The following IQCH variants were observed in gnomAD, a reference collection of about 807,000 sequenced individuals.
IQCH encodes IQ motif containing H.
A neutral mutation model predicts 117.0 loss-of-function variants in IQCH; 98 were observed. That is an observed-to-expected ratio of 0.84 (90% confidence interval 0.71 to 0.99). IQCH has a LOEUF of 0.99. Among genes scored for constraint, IQCH ranks in the 50% least tolerant of loss-of-function variants. IQCH has a pLI of 0.00. For synonymous variants in IQCH, 412 were observed against 448.2 expected (o/e 0.92, Z 1.02); for missense variants, 1,102 against 1,243.8 (o/e 0.89, Z 1.72).
chr15:67,426,107 C>G lies in IQCH; in HGVS notation c.2505+4530C>G, dbSNP rs1381828147. 1.3e-5 allele frequency among the ~76,000 whole-genome samples: 2 copies of G among 152,124 alleles called. No homozygotes were observed. Among genetic ancestry groups the G allele is most frequent in the African/African-American group, 4.8e-5 (2 of 41,434 alleles). ...ATTTTCTATTTTCCTTGCCCTGGAC[C>G]TAGGATCGACTCAGAAGCCCTGTAA... On this transcript the variant is annotated intron_variant, in intron 16 of 20. Coordinates refer to ENST00000335894, the MANE Select transcript of IQCH (RefSeq NM_001031715.3). This position sits in a 1 kb window ranked among gnomAD's most constrained non-coding sequence, Gnocchi z 5.1.
intron 4 of IQCH, among the ~76,000 whole-genome samples, chr15:67,306,573 A>G (rs532751006): frequency 6.6e-6 from 1 of 152,112 alleles, no homozygotes; most frequent in Non-Finnish European, 1.5e-5. Context: ...TATCTTCTCC[A>G]TCTTATGAAG....
chr15:67,268,265 T>A (rs1018382457), intron 3 of IQCH, among the ~76,000 whole-genome samples: 9 of 152,214 alleles, frequency 5.9e-5, no homozygotes, highest in African/African-American at 1.9e-4. Flanking sequence ...TGCCAGCAAA[T>A]GCAAGATTCT....
At position 67,475,744 on chromosome 15, in the gene IQCH, A is replaced by G. The variant is rs900486879; in HGVS notation, c.2725A>G (p.Ser909Gly). 2.5e-6 allele frequency: 4 copies of G among 1,614,020 alleles called. No homozygotes were observed. The African/African-American group carries it at 5.3e-5, about 22-fold the overall frequency. ...AGTGATGACCACCCAGCTAAGACAC[A>G]GCAATCTCTCACTGGTTTTCCACTA... ...YAVMTTQLRH[S>G]NLSLVFHYVF... The change falls in exon 18 of 21, where the codon AGC (serine) becomes GGC (glycine). Residue 909 changes from serine to glycine, a missense_variant. Ser to Gly is a moderately conservative substitution (Grantham distance 56). Coordinates refer to ENST00000335894, the MANE Select transcript of IQCH (RefSeq NM_001031715.3). This position sits in a 1 kb window ranked among gnomAD's most constrained non-coding sequence, Gnocchi z 5.7.
Position 67,388,198 on chromosome 15 carries a change from A to G in IQCH, c.1457-633A>G, listed in dbSNP as rs1028225415. 2.0e-5 allele frequency among the ~76,000 whole-genome samples: 3 copies of G among 152,230 alleles called. No individual in the cohort carries two copies. The South Asian group carries it at 6.2e-4, about 32-fold the overall frequency. On this transcript the variant is annotated intron_variant, in intron 11 of 20. Coordinates refer to ENST00000335894, the MANE Select transcript of IQCH (RefSeq NM_001031715.3). The surrounding 1 kb of genome is among the most constrained non-coding windows in gnomAD (Gnocchi z 5.5). ...GTTTCTTGCTATGTTACATGTAAGAAGCACATCTTAAGAAGGAGAAAAGTT... is the reference window on the plus strand; with the variant it reads ...GTTTCTTGCTATGTTACATGTAAGAGGCACATCTTAAGAAGGAGAAAAGTT...
At chr15:67,499,297 C>CAAAAAAAAAAAAAAAA (rs59618730) in intron 20 of IQCH, among the ~76,000 whole-genome samples, 40 of 49,158 alleles carry the variant, frequency 8.1e-4, no homozygotes, top group African/African-American at 3.1e-3. Context: ...AGACCTGTCC[C>CAAAAAAAAAAAAAAAA]AAAAAAAAAA....
chr15:67,476,098 C>A lies in IQCH; in HGVS notation c.2799+280C>A, dbSNP rs1194560756. On this transcript the variant is annotated intron_variant, in intron 18 of 20. Transcript: ENST00000335894. This position sits in a 1 kb window ranked among gnomAD's most constrained non-coding sequence, Gnocchi z 4.1. Reference sequence around the variant, plus strand: ...CCAGACTTAGGAGGCATTTTGGGGACCACCTCATGATCCTGAAGCAGGCCC... The same window carrying A: ...CCAGACTTAGGAGGCATTTTGGGGAACACCTCATGATCCTGAAGCAGGCCC... Among the ~76,000 whole-genome samples the A allele has an allele frequency of 6.6e-6, 1 of 152,232 alleles. No homozygotes were observed. Among genetic ancestry groups the A allele is most frequent in the Non-Finnish European group, 1.5e-5 (1 of 68,044 alleles).
intron 18 of IQCH, among the ~76,000 whole-genome samples, chr15:67,483,050 C>T (rs2141067961): frequency 6.6e-6 from 1 of 152,320 alleles, no homozygotes; most frequent in South Asian, 2.1e-4. Flanking sequence ...GGGCTAAGAA[C>T]ACTCCTGGTC....
At chr15:67,321,473 CCTTTCTT>C (rs1220535167) in intron 4 of IQCH, among the ~76,000 whole-genome samples, 1 of 149,918 alleles carries the variant, frequency 6.7e-6, no homozygotes, top group East Asian at 2.0e-4. Context: ...TTCCTTCCTT[CCTTTCTT>C]TCTTTCTTTT....
chr15:67,388,914 C>T lies in IQCH; in HGVS notation c.1540C>T (p.His514Tyr), dbSNP rs28444947. ...GTATTACAAAAAAATCCTAAGTCTA[C>T]ATGCAGCCGTCAAATCTGGGAACCT... ...VLYYKKILSL[H>Y]AAVKSGNLED... The change falls in exon 12 of 21, where the codon CAT becomes TAT. Residue 514 changes from histidine (H) to tyrosine (Y), a missense_variant. By Grantham distance (83) the His-to-Tyr change is moderately conservative (BLOSUM62 2). This residue lies in a region of IQCH where 650 missense variants were observed against 794.3 expected (regional missense o/e 0.82). Transcript: ENST00000335894. This position sits in a 1 kb window ranked among gnomAD's most constrained non-coding sequence, Gnocchi z 5.5. The T allele has an allele frequency of 1.2e-3, 1,891 of 1,613,774 alleles. 18 individuals are homozygous for T. The African/African-American group carries it at 0.023, about 19-fold the overall frequency.
chr15:67,284,658 A>G (rs1966492743), intron 4 of IQCH, among the ~76,000 whole-genome samples: 1 of 151,822 alleles, frequency 6.6e-6, no homozygotes. Flanking sequence ...GTTCCTCTCT[A>G]TGTGTCCATG....
rs1363309514 is a variant in IQCH, at chr15:67,422,452, T to C, written c.2505+875T>C. Among the ~76,000 whole-genome samples the C allele has an allele frequency of 6.6e-6, 1 of 152,198 alleles. No individual in the cohort carries two copies. Among genetic ancestry groups the C allele is most frequent in the African/African-American group, 2.4e-5 (1 of 41,430 alleles). ...GAAACAAAGTGGTGTCAGTGCCACC[T>C]GCAGTCCTGTGTACTCCTTGCCAAG... is the stretch of plus-strand genomic sequence containing the variant. On this transcript the variant is annotated intron_variant, in intron 16 of 20. Coordinates refer to ENST00000335894, the MANE Select transcript of IQCH (RefSeq NM_001031715.3). This position sits in a 1 kb window ranked among gnomAD's most constrained non-coding sequence, Gnocchi z 4.7.
chr15:67,450,567 TGAAGC>T (rs1185463325), intron 16 of IQCH, among the ~76,000 whole-genome samples: 3 of 152,208 alleles, frequency 2.0e-5, no homozygotes, highest in Non-Finnish European at 4.4e-5. Context: ...ATCCCAGGGA[TGAAGC>T]CCACTTGATC....
At chr15:67,484,628 CT>C (rs1366335892) in intron 18 of IQCH, among the ~76,000 whole-genome samples, 2 of 149,670 alleles carry the variant, frequency 1.3e-5, no homozygotes, top group African/African-American at 4.9e-5. Context: ...GTAGTCCCAG[CT>C]ACTTGGGAGG....
At chr15:67,362,913 A>G (rs2140757104) in intron 8 of IQCH, among the ~76,000 whole-genome samples, 1 of 152,346 alleles carries the variant, frequency 6.6e-6, no homozygotes, top group Non-Finnish European at 1.5e-5. Flanking sequence ...TGGTGGGGGA[A>G]TAAGCCTACT....
intron 4 of IQCH, among the ~76,000 whole-genome samples, chr15:67,325,289 A>G (rs1278392077): frequency 6.6e-6 from 1 of 151,950 alleles, no homozygotes; most frequent in Non-Finnish European, 1.5e-5. Flanking sequence ...TTCTCTGCCA[A>G]GATTTTCCAC....
At chr15:67,371,025 A>G (rs1356619692) in intron 8 of IQCH, among the ~76,000 whole-genome samples, 1 of 152,134 alleles carries the variant, frequency 6.6e-6, no homozygotes, top group Non-Finnish European at 1.5e-5. Flanking sequence ...TAATAACCCC[A>G]CAGTTTGGTA....
intron 3 of IQCH, among the ~76,000 whole-genome samples, chr15:67,267,239 G>A (rs1238615852): frequency 1.3e-5 from 2 of 152,088 alleles, no homozygotes; most frequent in Non-Finnish European, 2.9e-5. Context: ...ATGACCAATG[G>A]CATCATCTTA....
At chr15:67,255,414 A>G (rs16950800) in intron 1 of IQCH, 3,491 of 157,724 alleles carry the variant, frequency 0.022, 150 homozygotes, top group African/African-American at 0.081. Context: ...ATTGGAGAAC[A>G]CACAGAAAAA....
rs753992317 is a variant in IQCH, at chr15:67,481,369, C to T, written c.2799+5551C>T. Among the ~76,000 whole-genome samples, 2 of 152,036 alleles carry T rather than the reference C, an allele frequency of 1.3e-5. No individual in the cohort carries two copies. The highest frequency in any genetic ancestry group is 2.4e-5 in the African/African-American group (1 of 41,378). On this transcript the variant is annotated intron_variant, in intron 18 of 20. Coordinates refer to ENST00000335894, the MANE Select transcript of IQCH (RefSeq NM_001031715.3). This position sits in a 1 kb window ranked among gnomAD's most constrained non-coding sequence, Gnocchi z 4.1. ...ACAAAATGGCAGGAGAGAGAAGTGC[C>T]GAGCAAAGGGGGAACATCCCCTTAT...
Sources: gnomAD v4.1 joint callset for allele counts (sites outside exome capture counted in the v4.1 genomes callset) on GRCh38, gnomAD v4.1.1 for gene constraint, gnomAD v4.1.1 regional missense constraint, Gnocchi (gnomAD v3.1) non-coding constraint, MANE v1.5 for transcripts, NCBI Gene and HGNC (gene_info 2026-07-23, HGNC 2026-07-21) for gene names.